The following ZNF75D variants were observed in gnomAD, a reference collection of about 807,000 sequenced individuals.
ZNF75D encodes the protein zinc finger protein 75.
In ZNF75D, 33 loss-of-function variants were observed where a neutral mutation model predicts 33.3. The ratio of observed to expected loss-of-function variants is 0.99; its 90% CI spans 0.75 to 1.32. ZNF75D has a LOEUF of 1.32. Ranked by LOEUF, ZNF75D falls within the 40% of genes most tolerant of loss-of-function variation. The pLI, the probability that ZNF75D is intolerant of heterozygous loss-of-function variation, is 0.00. For synonymous variants in ZNF75D, 113 were observed against 130.6 expected (o/e 0.87, Z 0.92); for missense variants, 338 against 367.5 (o/e 0.92, Z 0.66).
chrX:135,304,840 C>T (rs782628881), intron 1 of ZNF75D, among the ~76,000 whole-genome samples: 2 of 112,895 alleles, frequency 1.8e-5, no homozygotes, highest in Admixed American at 1.9e-4. Context: ...GATTCTGACA[C>T]TGACTTACAT....
chrX:135,338,339 A>G (rs781957293), intron 1 of ZNF75D, among the ~76,000 whole-genome samples: 1 of 112,028 alleles, frequency 8.9e-6, no homozygotes, highest in Admixed American at 9.4e-5. Flanking sequence ...AGGGGGTGTC[A>G]GAGGATGGAA....
chrX:135,292,588 T>C (rs1306848875), intron 3 of ZNF75D, 115 bp from the exon 4 acceptor site: 1 of 577,523 alleles, frequency 1.7e-6, no homozygotes, highest in Non-Finnish European at 2.7e-6. Flanking sequence ...ATTAGAGAAG[T>C]AATAAAAAGA....
intron 1 of ZNF75D, among the ~76,000 whole-genome samples, chrX:135,326,295 C>A (rs1451996247): frequency 9.1e-6 from 1 of 109,362 alleles, no homozygotes; most frequent in Non-Finnish European, 1.9e-5. Flanking sequence ...GTAAACACAC[C>A]AATCAGCACC....
At chrX:135,274,326 T>C (rs2083892393) in intron 1 of ZNF75D, among the ~76,000 whole-genome samples, 1 of 111,989 alleles carries the variant, frequency 8.9e-6, no homozygotes, top group African/African-American at 3.2e-5. Context: ...AAAATAAAAA[T>C]GGAAATGCCT....
At chrX:135,316,240 A>T (rs2084419358) in intron 1 of ZNF75D, among the ~76,000 whole-genome samples, 1 of 112,151 alleles carries the variant, frequency 8.9e-6, no homozygotes, top group South Asian at 3.7e-4. Context: ...CATCTGGGAA[A>T]GACTTTATTT....
At chrX:135,328,858 G>A (rs994267614) in intron 1 of ZNF75D, among the ~76,000 whole-genome samples, 8 of 111,982 alleles carry the variant, frequency 7.1e-5, no homozygotes, top group Admixed American at 4.7e-4. Context: ...CTCTGACCAC[G>A]CTCCTTGTGT....
chrX:135,271,559 A>T lies in ZNF75D; in HGVS notation n.828-15782T>A, dbSNP rs150413749. On this transcript the variant is annotated intron_variant and non_coding_transcript_variant, in intron 1 of 3. Coordinates refer to the ZNF75D transcript ENST00000494295. ...ACTTCTATTAATGTCTTGCAAAGCC[A>T]GTGACTCTGCAAAGATGAATGCTGG... Among the ~76,000 whole-genome samples, 23 of 112,171 alleles carry T rather than the reference A, an allele frequency of 2.1e-4. No individual in the cohort carries two copies. The East Asian group carries it at 6.2e-3, about 30-fold the overall frequency.
chrX:135,325,214 CAG>C (rs782605175), intron 1 of ZNF75D, among the ~76,000 whole-genome samples: 1 of 107,044 alleles, frequency 9.3e-6, no homozygotes, highest in East Asian at 3.1e-4. Flanking sequence ...GGCTGGCATG[CAG>C]AGAGTGCTCA....
rs1359566678 is a variant in ZNF75D, at chrX:135,285,832, T to TA, written c.*1304dup. Reference sequence around the variant, plus strand: ...TTTTGTTTATTGTCTAAATTTAAGATAAAATGTGTCATTTTCATTACGAAG... The same window carrying TA: ...TTTTGTTTATTGTCTAAATTTAAGATAAAAATGTGTCATTTTCATTACGAAG... On this transcript the variant is annotated 3_prime_UTR_variant, in exon 7 of 7. Coordinates refer to ENST00000370766, the MANE Select transcript of ZNF75D (RefSeq NM_007131.5). 3.6e-5 allele frequency: 4 copies of TA among 112,589 alleles called. No individual in the cohort carries two copies. Among genetic ancestry groups the TA allele is most frequent in the African/African-American group, 6.5e-5 (2 of 30,967 alleles). 9.3% of individuals were successfully genotyped at this position (112,589 alleles called of 1,213,427 possible).
In ZNF75D at chrX:135,344,080, A is replaced by G. The variant is rs782328640; in HGVS notation, c.-2703T>C. 6.2e-5 allele frequency: 7 copies of G among 112,335 alleles called. No individual in the cohort carries two copies. Among genetic ancestry groups the G allele is most frequent in the African/African-American group, 2.3e-4 (7 of 30,910 alleles). 9.3% of individuals were successfully genotyped at this position (112,335 alleles called of 1,213,427 possible). On this transcript the variant is annotated 5_prime_UTR_variant, in exon 1 of 7. The change abolishes an upstream ATG in the 5' untranslated region. Transcript: ENST00000370766. ...AGGGCTGCGTTTCCCGAACGACACC[A>G]TTGTATCAAGCGGCCATTGGATCAG...
intron 1 of ZNF75D, among the ~76,000 whole-genome samples, chrX:135,258,934 T>C (rs1479621122): frequency 2.7e-5 from 3 of 112,327 alleles, no homozygotes; most frequent in Non-Finnish European, 5.6e-5. Flanking sequence ...TTAGGTCTAA[T>C]ATTTAAGTCT....
chrX:135,290,173 T>C (rs2084018610), intron 6 of ZNF75D, among the ~76,000 whole-genome samples: 1 of 112,250 alleles, frequency 8.9e-6, no homozygotes, highest in Admixed American at 9.4e-5. Context: ...ATGGGGGCAT[T>C]GGTAAAACTT....
At chrX:135,258,477 G>C (rs1044975283) in intron 1 of ZNF75D, among the ~76,000 whole-genome samples, 1 of 111,026 alleles carries the variant, frequency 9.0e-6, no homozygotes, top group African/African-American at 3.3e-5. Context: ...ACTTTTTAAC[G>C]ATTGCCATTC....
intron 1 of ZNF75D, among the ~76,000 whole-genome samples, chrX:135,304,354 C>G (rs2084258254): frequency 8.9e-6 from 1 of 111,810 alleles, no homozygotes; most frequent in Admixed American, 9.4e-5. Context: ...ATGATAGGAA[C>G]ATGAATAAAG....
rs1288071379 is a variant in ZNF75D, at chrX:135,342,181, A to C, written c.-804T>G. On this transcript the variant is annotated 5_prime_UTR_variant, in exon 1 of 7. Coordinates refer to ENST00000370766, the MANE Select transcript of ZNF75D (RefSeq NM_007131.5). ...GAACAAGAAGTAGCAACTACTCTAC[A>C]CTTCAGGGCTCCTCTAAGTATCCAT... 1.8e-5 allele frequency: 2 copies of C among 112,056 alleles called. No homozygotes were observed. The highest frequency in any genetic ancestry group is 3.8e-5 in the Non-Finnish European group (2 of 53,211). 9.2% of individuals were successfully genotyped at this position (112,056 alleles called of 1,213,427 possible).
intron 1 of ZNF75D, among the ~76,000 whole-genome samples, chrX:135,303,265 C>T: frequency 9.1e-6 from 1 of 110,440 alleles, no homozygotes. Context: ...TTTTACTAAT[C>T]CTCCTCAGCA....
intron 1 of ZNF75D, among the ~76,000 whole-genome samples, chrX:135,332,102 G>T (rs1232764104): frequency 9.0e-6 from 1 of 111,192 alleles, no homozygotes; most frequent in Non-Finnish European, 1.9e-5. Flanking sequence ...AAAAGGTGGG[G>T]AATGGAGACT....
chrX:135,258,555 G>A (rs1419962224), intron 1 of ZNF75D, among the ~76,000 whole-genome samples: 6 of 111,917 alleles, frequency 5.4e-5, no homozygotes, highest in Non-Finnish European at 1.1e-4. Context: ...ATGATGAGGA[G>A]CTTTTTTTCA....
chrX:135,289,627 GACAC>G (rs60550937), intron 6 of ZNF75D, among the ~76,000 whole-genome samples: 4,939 of 88,814 alleles, frequency 0.056, 148 homozygotes, highest in African/African-American at 0.1. Flanking sequence ...CACACACACA[GACAC>G]ACACACACAC....
Sources: allele counts gnomAD v4.1 joint callset (sites outside exome capture counted in the v4.1 genomes callset), GRCh38; gene constraint gnomAD v4.1.1; transcripts MANE v1.5; gene names NCBI Gene and HGNC (gene_info 2026-07-23, HGNC 2026-07-21).